ARHGEF4: variants seen among roughly 807,000 people sequenced by gnomAD.
The protein encoded by ARHGEF4 is Rho guanine nucleotide exchange factor 4, also known as APC-stimulated guanine nucleotide exchange factor 1.
Under a neutral mutation model 162.0 loss-of-function variants are expected in ARHGEF4, and 119 were observed. The observed-to-expected ratio is 0.73, with a 90% CI of 0.63 to 0.86. The LOEUF (loss-of-function observed/expected upper bound fraction) is 0.86. Among genes scored for constraint, ARHGEF4 ranks in the 40% least tolerant of loss-of-function variants. ARHGEF4 has a pLI of 0.00. For synonymous variants in ARHGEF4, 1,014 were observed against 979.9 expected (o/e 1.03, Z -0.65); for missense variants, 2,488 against 2,456.0 (o/e 1.01, Z -0.28).
intron 4 of ARHGEF4, among the ~76,000 whole-genome samples, chr2:131,000,679 A>G (rs1380936515): frequency 6.6e-6 from 1 of 152,162 alleles, no homozygotes; most frequent in East Asian, 1.9e-4. Context: ...TTAGGAGTTG[A>G]CGTATTTTAT....
At chr2:131,031,555 C>A (rs1689853589) in intron 5 of ARHGEF4, among the ~76,000 whole-genome samples, 1 of 152,260 alleles carries the variant, frequency 6.6e-6, no homozygotes, top group Non-Finnish European at 1.5e-5. Context: ...TGGGCCCCTG[C>A]ATTGTCCCAT....
At chr2:130,893,403 A>G (rs1679974572) in intron 1 of ARHGEF4, among the ~76,000 whole-genome samples, 1 of 152,198 alleles carries the variant, frequency 6.6e-6, no homozygotes, top group Admixed American at 6.5e-5. Context: ...GGCACACAGT[A>G]GGTGTCCCAT....
At chr2:130,847,077 G>A (rs891442721) in intron 1 of ARHGEF4, among the ~76,000 whole-genome samples, 4 of 152,182 alleles carry the variant, frequency 2.6e-5, no homozygotes, top group African/African-American at 7.2e-5. Context: ...TAAGAGCCCT[G>A]TGTGGATTCC....
chr2:130,952,768 AACAG>A (rs1180608630), intron 4 of ARHGEF4, among the ~76,000 whole-genome samples: 2 of 152,204 alleles, frequency 1.3e-5, no homozygotes, highest in African/African-American at 4.8e-5. Context: ...ATACACTAAT[AACAG>A]ACAGCCAAAT....
chr2:130,913,924 G>A (rs1681342748), intron 1 of ARHGEF4, 62 bp from the exon 2 acceptor site: 3 of 1,523,356 alleles, frequency 2.0e-6, no homozygotes, highest in Admixed American at 2.0e-5. Context: ...CAGGCACGGT[G>A]TAAACATGTG....
chr2:131,046,272 C>G lies in ARHGEF4; in HGVS notation c.*83C>G, dbSNP rs1336008178. ...CTTCCCCGAGGCCCACTCGGCCTGG[C>G]CTTCCTCTGCCTGCAAGTGAGCAGG... On this transcript the variant is annotated 3_prime_UTR_variant, in exon 14 of 14. Coordinates refer to ENST00000409359, the MANE Select transcript of ARHGEF4 (RefSeq NM_001367493.1). 6.5e-6 allele frequency: 9 copies of G among 1,390,512 alleles called. No individual in the cohort carries two copies. The highest frequency in any genetic ancestry group is 1.8e-4 in the Middle Eastern group (1 of 5,552). The allele number at this position is 1,390,512 out of a possible 1,614,324, so 86.1% of individuals were successfully genotyped here. A position where few individuals can be genotyped will look rare whatever the true frequency, so the allele number is the denominator to read the frequency against.
intron 4 of ARHGEF4, among the ~76,000 whole-genome samples, chr2:131,002,203 T>G (rs907949286): frequency 1.3e-5 from 2 of 152,170 alleles, no homozygotes; most frequent in South Asian, 4.1e-4. Flanking sequence ...GTTTAAAAAT[T>G]TAAAAGCTTT....
intron 4 of ARHGEF4, among the ~76,000 whole-genome samples, chr2:130,947,808 T>C (rs1380787692): frequency 6.6e-6 from 1 of 152,226 alleles, no homozygotes; most frequent in Non-Finnish European, 1.5e-5. Context: ...CAGATCTGTC[T>C]TCTGGTGGAA....
chr2:130,865,145 G>A (rs908193479), intron 1 of ARHGEF4, among the ~76,000 whole-genome samples: 3 of 152,220 alleles, frequency 2.0e-5, no homozygotes, highest in African/African-American at 4.8e-5. Flanking sequence ...ATTTAGGGAG[G>A]GTTGGAGTAG....
intron 1 of ARHGEF4, among the ~76,000 whole-genome samples, chr2:130,851,500 C>T (rs540064495): frequency 9.2e-5 from 14 of 152,304 alleles, no homozygotes; most frequent in African/African-American, 2.6e-4. Flanking sequence ...GCTGCACTGC[C>T]GAGGCCTGCC....
chr2:131,034,718 G>A (rs181730040), intron 5 of ARHGEF4, among the ~76,000 whole-genome samples: 92 of 152,274 alleles, frequency 6.0e-4, no homozygotes, highest in Middle Eastern at 3.4e-3. Context: ...AGGTCCCGGG[G>A]CATCCCCGAG....
chr2:130,913,925 T>G (rs900852656), intron 1 of ARHGEF4, 61 bp from the exon 2 acceptor site: 115 of 1,526,920 alleles, frequency 7.5e-5, no homozygotes, highest in Non-Finnish European at 9.6e-5. Flanking sequence ...AGGCACGGTG[T>G]AAACATGTGC....
intron 3 of ARHGEF4, among the ~76,000 whole-genome samples, chr2:130,945,198 A>T (rs375957828): frequency 6.6e-6 from 1 of 151,914 alleles, no homozygotes; most frequent in Non-Finnish European, 1.5e-5. Context: ...TCCTCTTGGC[A>T]TTCTCCCAGG....
intron 1 of ARHGEF4, among the ~76,000 whole-genome samples, chr2:130,875,861 C>T (rs778833153): frequency 2.7e-4 from 41 of 152,236 alleles, no homozygotes; most frequent in Non-Finnish European, 5.3e-4. Flanking sequence ...GTCATGCCCA[C>T]TCTAGTTATG....
In ARHGEF4 at chr2:130,916,451, G is replaced by C; in HGVS notation, c.2505G>C (p.Glu835Asp). Residue 835 changes from glutamate to aspartate, a missense_variant, in exon 2 of 14, where the codon GAG becomes GAC. By Grantham distance (45) the Glu-to-Asp change is conservative (BLOSUM62 2). This residue lies in a region of ARHGEF4 where 1,642 missense variants were observed against 1,481.5 expected (regional missense o/e 1.11). Transcript: ENST00000409359. ...GSSGPEGLPR[E>D]NPPAAAGRDA... ...CAGGCCCCGAGGGGCTCCCCAGGGA[G>C]AATCCGCCCGCTGCGGCCGGTCGGG... 6.5e-7 allele frequency: 1 copy of C among 1,541,652 alleles called. No individual in the cohort carries two copies. The highest frequency in any genetic ancestry group is 1.4e-5 in the African/African-American group (1 of 73,044).
At chr2:130,837,606 A>G (rs1459556331) in intron 1 of ARHGEF4, 2 of 451,162 alleles carry the variant, frequency 4.4e-6, no homozygotes, top group Non-Finnish European at 4.4e-6. Flanking sequence ...GGACGCCTCC[A>G]CCTCGCTGCC....
At position 131,046,912 on chromosome 2, in the gene ARHGEF4, GTT is replaced by G. The variant is rs1491418563; in HGVS notation, c.*726_*727del. The G allele has an allele frequency of 1.6e-4, 25 of 152,702 alleles. No individual in the cohort carries two copies. The highest frequency in any genetic ancestry group is 6.0e-4 in the African/African-American group (25 of 41,458). The allele number at this position is 152,702 out of a possible 1,614,324, so 9.5% of individuals were successfully genotyped here. A position where few individuals can be genotyped will look rare whatever the true frequency, so the allele number is the denominator to read the frequency against. On this transcript the variant is annotated 3_prime_UTR_variant, in exon 14 of 14. Coordinates refer to ENST00000409359, the MANE Select transcript of ARHGEF4 (RefSeq NM_001367493.1). Reference sequence around the variant, plus strand: ...TAGCTCCAGAACCACCTCGTTCCTGGTTTTGTTTGGATTTTGGCATCTTGTTT... The same window carrying G: ...TAGCTCCAGAACCACCTCGTTCCTGGTTGTTTGGATTTTGGCATCTTGTTT...
intron 1 of ARHGEF4, among the ~76,000 whole-genome samples, chr2:130,892,198 T>C (rs1679897307): frequency 6.6e-6 from 1 of 152,148 alleles, no homozygotes; most frequent in African/African-American, 2.4e-5. Context: ...CTTGACCTAG[T>C]GGTCTTGAGG....
At chr2:131,024,593 A>G (rs1974921) in intron 4 of ARHGEF4, among the ~76,000 whole-genome samples, 148,235 of 152,312 alleles carry the variant, frequency 0.97, 72,202 homozygotes, top group Non-Finnish European at 0.99. Context: ...ATATTTTAAG[A>G]CCCTAGGGGA....
Sources: gnomAD v4.1 joint callset for allele counts (sites outside exome capture counted in the v4.1 genomes callset) on GRCh38, gnomAD v4.1.1 for gene constraint, gnomAD v4.1.1 regional missense constraint, MANE v1.5 for transcripts, NCBI Gene and HGNC (gene_info 2026-07-23, HGNC 2026-07-21) for gene names.